The following LPA variants were observed in gnomAD, a reference collection of about 807,000 sequenced individuals.
LPA encodes apolipoprotein(a).
Under a neutral mutation model 197.9 loss-of-function variants are expected in LPA, and 199 were observed. The ratio of observed to expected loss-of-function variants is 1.01; its 90% CI spans 0.90 to 1.13. The LOEUF (loss-of-function observed/expected upper bound fraction) is 1.13, where lower values mean the gene tolerates loss of function less well. Among genes scored for constraint, LPA ranks in the 50% most tolerant of loss-of-function variants. The probability of loss-of-function intolerance (pLI) is 0.00; values close to 1 mark genes in which losing one functional copy is unlikely to be tolerated. For synonymous variants in LPA, 715 were observed against 639.5 expected (o/e 1.12, Z -1.78); for missense variants, 1,853 against 1,785.8 (o/e 1.04, Z -0.68).
At chr6:160,659,923 G>A (rs78588489) in intron 1 of LPA, among the ~76,000 whole-genome samples, 1,079 of 125,772 alleles carry the variant, frequency 8.6e-3, no homozygotes, top group African/African-American at 0.02. Flanking sequence ...CAACGGGTAC[G>A]GCTAATGAAA....
intron 24 of LPA, 39 bp downstream of exon 24, chr6:160,589,514 G>A: frequency 6.2e-7 from 1 of 1,608,818 alleles, no homozygotes; most frequent in East Asian, 2.2e-5. Flanking sequence ...AAATTTAAGT[G>A]GGTGGCTGTT....
intron 28 of LPA, among the ~76,000 whole-genome samples, chr6:160,568,295 C>A (rs947892569): frequency 6.6e-6 from 1 of 152,218 alleles, no homozygotes; most frequent in Non-Finnish European, 1.5e-5. Context: ...CCACCATGAT[C>A]AAGTTGGCTT....
intron 25 of LPA, 26 bp from the exon 26 acceptor site, chr6:160,585,231 T>G (rs765658131): frequency 6.2e-7 from 1 of 1,612,844 alleles, no homozygotes; most frequent in South Asian, 1.1e-5. Flanking sequence ...AAAATCAAGC[T>G]CAGTATTGCC....
At chr6:160,589,032 C>T (rs1778971369) in intron 24 of LPA, among the ~76,000 whole-genome samples, 1 of 152,230 alleles carries the variant, frequency 6.6e-6, no homozygotes, top group Non-Finnish European at 1.5e-5. Flanking sequence ...CCTCCTTTTG[C>T]CCCTCATGGG....
In LPA at chr6:160,611,561, C is replaced by T. The variant is rs559580002; in HGVS notation, c.2603+1G>A. The T allele has an allele frequency of 4.8e-4, 766 of 1,606,444 alleles. 12 individuals carry two copies. In the South Asian group the frequency reaches 5.3e-3, roughly 11 times the overall value. ...TCTTATGGTAAAGAACAAAGACATA[C>T]GCATTTGGGTAGTATTCTGGGGTCC... On this transcript the variant is annotated splice_donor_variant, in intron 16 of 38. Transcript: ENST00000316300. LOFTEE classifies it high-confidence loss of function.
At chr6:160,605,405 A>G (rs1779327590) in intron 17 of LPA, among the ~76,000 whole-genome samples, 200 bp from the exon 18 acceptor site, 1 of 152,350 alleles carries the variant, frequency 6.6e-6, no homozygotes, top group African/African-American at 2.4e-5. Flanking sequence ...AAAACACCAA[A>G]GAAACAAATT....
chr6:160,553,555 G>C (rs546403286), intron 30 of LPA, among the ~76,000 whole-genome samples: 36 of 152,186 alleles, frequency 2.4e-4, no homozygotes, highest in Non-Finnish European at 4.3e-4. Flanking sequence ...TGTTTCCAAG[G>C]AGAAGGCATC....
At chr6:160,574,651 C>T (rs1009442021) in intron 28 of LPA, among the ~76,000 whole-genome samples, 6 of 152,198 alleles carry the variant, frequency 3.9e-5, no homozygotes, top group African/African-American at 1.4e-4. Flanking sequence ...AAGTTGGGAA[C>T]TTCTCCTGCA....
intron 16 of LPA, among the ~76,000 whole-genome samples, chr6:160,611,327 G>A (rs1470305086): frequency 6.6e-6 from 1 of 152,066 alleles, no homozygotes; most frequent in Non-Finnish European, 1.5e-5. Context: ...TTCATAAGGT[G>A]ATCTCCTCGC....
rs1778984830 is a variant in LPA at position 160,589,587 on chromosome 6, A to T, written c.3913T>A (p.Trp1305Arg). 1 of 1,613,800 alleles carries T rather than the reference A, an allele frequency of 6.2e-7. No individual in the cohort carries two copies. Among genetic ancestry groups the T allele is most frequent in the African/African-American group, 1.3e-5 (1 of 74,900 alleles). Residue 1305 changes from tryptophan to arginine, a missense_variant, in exon 24 of 39, where the codon TGG becomes AGG. Around this residue, in one of 3 missense-constraint regions of LPA, gnomAD observed 1,737 missense variants for 1,504.4 expected, o/e 1.15. Coordinates refer to ENST00000316300, the MANE Select transcript of LPA (RefSeq NM_005577.4). ...CQSWSSMTPH[W>R]HQRTTEYYPN... is the part of the protein sequence containing the mutation. ...TAGTATTCTGTGGTTCTCTGATGCC[A>T]GTGTGGTGTCATAGAGGACCAAGAC...
chr6:160,562,638 G>C (rs1207410890), intron 28 of LPA, among the ~76,000 whole-genome samples: 2 of 152,184 alleles, frequency 1.3e-5, no homozygotes, highest in African/African-American at 4.8e-5. Flanking sequence ...GTTTCAGAAG[G>C]AATAGTACTA....
rs140011868 is a variant in LPA, at chr6:160,659,797, C to T, written c.49+4369G>A. On this transcript the variant is annotated intron_variant, in intron 1 of 38. Coordinates refer to ENST00000316300, the MANE Select transcript of LPA (RefSeq NM_005577.4). ...GCAGAAAACAGTGTGGCCACTTTTC[C>T]ATAAGGCAGCTACACTGTGCTGGAG... Among the ~76,000 whole-genome samples, 13 of 152,236 alleles carry T rather than the reference C, an allele frequency of 8.5e-5. No homozygotes were observed. The East Asian group carries it at 2.3e-3, about 27-fold the overall frequency.
At chr6:160,593,896 G>A (rs1779079222) in intron 22 of LPA, 62 bp downstream of exon 22, 26 of 1,572,478 alleles carry the variant, frequency 1.7e-5, no homozygotes, top group Non-Finnish European at 2.2e-5. Flanking sequence ...TGGAAGCATG[G>A]CCCTTCCAAG....
intron 8 of LPA, among the ~76,000 whole-genome samples, chr6:160,632,575 G>A (rs1779708583): frequency 9.6e-5 from 4 of 41,784 alleles, no homozygotes; most frequent in Non-Finnish European, 1.5e-4. Flanking sequence ...TTTAAATTAC[G>A]GCTGTTCTGG....
At chr6:160,535,862 C>T (rs1376626145) in intron 37 of LPA, among the ~76,000 whole-genome samples, 1 of 152,170 alleles carries the variant, frequency 6.6e-6, no homozygotes, top group Non-Finnish European at 1.5e-5. Flanking sequence ...CACCCAGATC[C>T]TTATGATTTT....
At chr6:160,582,158 G>T (rs1778813303) in intron 26 of LPA, among the ~76,000 whole-genome samples, 2 of 151,662 alleles carry the variant, frequency 1.3e-5, no homozygotes, top group Admixed American at 6.6e-5. Flanking sequence ...AGCTTGCTGG[G>T]TTTTTTTCCT....
intron 22 of LPA, among the ~76,000 whole-genome samples, chr6:160,592,670 G>T (rs1260478130): frequency 2.0e-5 from 3 of 152,166 alleles, no homozygotes; most frequent in Non-Finnish European, 4.4e-5. Context: ...TACCTCTAAG[G>T]AGGGTTGAGT....
In LPA at chr6:160,590,894, T is replaced by C. The variant is rs1003728350; in HGVS notation, c.3787+50A>G. ...CTGTATCACTAAGATTTTGCAACTC[T>C]TTTTATCCCAACGTCCAAGGGTGTG... is the stretch of plus-strand genomic sequence containing the variant. On this transcript the variant is annotated intron_variant, in intron 23 of 38. Transcript: ENST00000316300. 3 of 1,612,844 alleles carry C rather than the reference T, an allele frequency of 1.9e-6. No individual in the cohort carries two copies. The Admixed American group carries it at 5.0e-5, about 27-fold the overall frequency.
chr6:160,591,144 G>C (rs1242293205), intron 22 of LPA, 43 bp from the exon 23 acceptor site: 1 of 1,609,692 alleles, frequency 6.2e-7, no homozygotes, highest in Admixed American at 1.7e-5. Context: ...GATGGGAGAA[G>C]ATACAAGGGC....
Sources: allele counts gnomAD v4.1 joint callset (sites outside exome capture counted in the v4.1 genomes callset), GRCh38; gene constraint gnomAD v4.1.1; regional missense constraint gnomAD v4.1.1; transcripts MANE v1.5; gene names NCBI Gene and HGNC (gene_info 2026-07-23, HGNC 2026-07-21).